Variants in IRAG1 observed in about 807,000 individuals in gnomAD.
The protein encoded by IRAG1 is IP3R-associated cGMP kinase substrate.
In IRAG1, 62 loss-of-function variants were observed where a neutral mutation model predicts 106.2. The observed-to-expected ratio is 0.58, with a 90% CI of 0.48 to 0.72. The LOEUF (loss-of-function observed/expected upper bound fraction) is 0.72, where lower values mean the gene tolerates loss of function less well. IRAG1 is among the 30% of genes least tolerant of loss of function. IRAG1 has a pLI of 0.00. For synonymous variants in IRAG1, 462 were observed against 443.9 expected, an observed-to-expected ratio of 1.04 and a Z score of -0.51; for missense variants, 1,064 against 1,140.7, an observed-to-expected ratio of 0.93 and a Z score of 0.97.
At chr11:10,638,525 T>C (rs1016153689) in intron 2 of IRAG1, among the ~76,000 whole-genome samples, 9 of 152,236 alleles carry the variant, frequency 5.9e-5, no homozygotes, top group African/African-American at 1.7e-4. Flanking sequence ...GCTTATAGCA[T>C]GCGCGGGCTT....
intron 12 of IRAG1, among the ~76,000 whole-genome samples, chr11:10,605,290 G>T (rs1381193240): frequency 2.0e-5 from 3 of 152,198 alleles, no homozygotes; most frequent in Admixed American, 2.0e-4. Flanking sequence ...GCCATCATCT[G>T]CCCTGAGTGG....
chr11:10,576,723 T>C (rs1850848396), intron 20 of IRAG1, 148 bp from the exon 21 acceptor site: 1 of 957,550 alleles, frequency 1.0e-6, no homozygotes, highest in East Asian at 2.4e-5. Flanking sequence ...TTGGCAGCAA[T>C]TGTTCAAAAT....
At chr11:10,630,761 C>T (rs151175279) in intron 4 of IRAG1, among the ~76,000 whole-genome samples, 25 of 152,362 alleles carry the variant, frequency 1.6e-4, no homozygotes, top group African/African-American at 6.0e-4. Context: ...CTGCAGTGAA[C>T]AGCTCCCATT....
intron 1 of IRAG1, among the ~76,000 whole-genome samples, chr11:10,663,631 T>A (rs779559150): frequency 6.6e-6 from 1 of 152,198 alleles, no homozygotes; most frequent in African/African-American, 2.4e-5. Flanking sequence ...TGTGTGGCTA[T>A]CCCAATCTGC....
chr11:10,667,972 CCT>C (rs1410476582), intron 1 of IRAG1, among the ~76,000 whole-genome samples: 2 of 152,188 alleles, frequency 1.3e-5, no homozygotes. Flanking sequence ...GACTGCCAAA[CCT>C]CTCTGTTTTT....
At chr11:10,594,058 G>C in intron 16 of IRAG1, 88 bp downstream of exon 16, 2 of 1,263,414 alleles carry the variant, frequency 1.6e-6, no homozygotes, top group Non-Finnish European at 2.2e-6. Flanking sequence ...GGCATCCATG[G>C]ATCCCAGAAT....
intron 15 of IRAG1, among the ~76,000 whole-genome samples, chr11:10,595,523 C>T (rs922353823): frequency 1.3e-5 from 2 of 151,988 alleles, no homozygotes; most frequent in Non-Finnish European, 2.9e-5. Flanking sequence ...AATAATAACC[C>T]TCCCTCTTAA....
chr11:10,612,060 C>T (rs566492409), intron 10 of IRAG1, among the ~76,000 whole-genome samples: 14 of 152,184 alleles, frequency 9.2e-5, no homozygotes, highest in Middle Eastern at 6.3e-3. Flanking sequence ...AAATAAAACA[C>T]GTCCCTCTGA....
At chr11:10,577,046 G>C (rs1005949749) in intron 20 of IRAG1, among the ~76,000 whole-genome samples, 1 of 152,116 alleles carries the variant, frequency 6.6e-6, no homozygotes, top group African/African-American at 2.4e-5. Flanking sequence ...GTAATTCATT[G>C]TTCTCAGTTC....
chr11:10,579,068 G>C (rs1481056995), intron 20 of IRAG1, among the ~76,000 whole-genome samples: 1 of 152,194 alleles, frequency 6.6e-6, no homozygotes, highest in Non-Finnish European at 1.5e-5. Flanking sequence ...CTGGTTGCTT[G>C]GAGTAGGGAT....
intron 1 of IRAG1, among the ~76,000 whole-genome samples, chr11:10,676,235 A>C (rs1163372740): frequency 6.6e-6 from 1 of 152,178 alleles, no homozygotes; most frequent in Non-Finnish European, 1.5e-5. Flanking sequence ...GTTAGTCTAC[A>C]CCTTGGTTTC....
At chr11:10,655,181 AG>A (rs1300719500) in intron 1 of IRAG1, among the ~76,000 whole-genome samples, 1 of 152,192 alleles carries the variant, frequency 6.6e-6, no homozygotes, top group Admixed American at 6.5e-5. Flanking sequence ...CTGTCTTAAC[AG>A]GGGCATGGTT....
chr11:10,587,785 C>G (rs908195336), intron 18 of IRAG1, among the ~76,000 whole-genome samples: 17 of 152,146 alleles, frequency 1.1e-4, no homozygotes, highest in Non-Finnish European at 2.5e-4. Flanking sequence ...CATGCTCTTT[C>G]AAAAATAGCT....
At chr11:10,640,380 T>C (rs564932539) in intron 2 of IRAG1, among the ~76,000 whole-genome samples, 181 of 152,382 alleles carry the variant, frequency 1.2e-3, no homozygotes, top group African/African-American at 4.2e-3. Flanking sequence ...AATCCCTTGA[T>C]GGAACATCCT....
chr11:10,691,226 A>G (rs1227324138), intron 1 of IRAG1, among the ~76,000 whole-genome samples: 1 of 152,200 alleles, frequency 6.6e-6, no homozygotes, highest in Non-Finnish European at 1.5e-5. Flanking sequence ...CATTGTGTCC[A>G]TTTATTCACA....
At chr11:10,692,761 A>G (rs59433293) in intron 1 of IRAG1, among the ~76,000 whole-genome samples, 1,797 of 152,332 alleles carry the variant, frequency 0.012, 30 homozygotes, top group African/African-American at 0.042. Context: ...CAGAGCCTCT[A>G]TAGCCTTTAC....
chr11:10,642,672 A>G (rs1283100144), intron 2 of IRAG1, among the ~76,000 whole-genome samples: 1 of 152,256 alleles, frequency 6.6e-6, no homozygotes, highest in African/African-American at 2.4e-5. Flanking sequence ...TAGAGCTAAT[A>G]ATCACTATTC....
intron 4 of IRAG1, among the ~76,000 whole-genome samples, chr11:10,630,492 C>G (rs10840449): frequency 0.43 from 65,485 of 151,896 alleles, 14,553 homozygotes; most frequent in East Asian, 0.71. Context: ...CTGCCTCAGC[C>G]TCGCTCGTAC....
chr11:10,600,150 T>A (rs182624568), intron 15 of IRAG1, among the ~76,000 whole-genome samples: 3 of 152,320 alleles, frequency 2.0e-5, no homozygotes. Flanking sequence ...ATTTTTACTT[T>A]AAAACACCAA....
Sources: allele counts gnomAD v4.1 joint callset (sites outside exome capture counted in the v4.1 genomes callset), GRCh38; gene constraint gnomAD v4.1.1; transcripts MANE v1.5; gene names NCBI Gene and HGNC (gene_info 2026-07-23, HGNC 2026-07-21).